CADM2: variants seen among roughly 807,000 people sequenced by gnomAD.
CADM2 encodes the protein immunoglobulin superfamily member 4D.
In CADM2, 12 loss-of-function variants were observed where a neutral mutation model predicts 49.8. The observed-to-expected ratio is 0.24, with a 90% CI of 0.15 to 0.39. The LOEUF is 0.39. CADM2 is among the 10% of genes least tolerant of loss of function. The probability of loss-of-function intolerance (pLI) is 1.00; values close to 1 mark genes in which losing one functional copy is unlikely to be tolerated. For synonymous variants in CADM2, 214 were observed against 175.4 expected (o/e 1.22, Z -1.74); for missense variants, 378 against 492.3 (o/e 0.77, Z 2.20).
intron 8 of CADM2, among the ~76,000 whole-genome samples, chr3:86,007,097 T>A (rs916804409): frequency 6.6e-6 from 1 of 151,108 alleles, no homozygotes; most frequent in African/African-American, 2.4e-5. Flanking sequence ...CTATTGACTT[T>A]TCTCCCACCC....
intron 1 of CADM2, among the ~76,000 whole-genome samples, chr3:85,188,924 G>A (rs1160500539): frequency 6.6e-6 from 1 of 151,834 alleles, no homozygotes; most frequent in African/African-American, 2.4e-5. Flanking sequence ...CCAGCTACTC[G>A]GGAGGCTGAG....
chr3:85,577,586 A>C (rs979560277), intron 1 of CADM2, among the ~76,000 whole-genome samples: 5 of 152,154 alleles, frequency 3.3e-5, no homozygotes, highest in African/African-American at 1.2e-4. Flanking sequence ...AGAACACAAA[A>C]CAGGCCAAGA....
intron 1 of CADM2, among the ~76,000 whole-genome samples, chr3:85,324,752 A>G (rs772579194): frequency 5.3e-5 from 8 of 152,264 alleles, no homozygotes; most frequent in Non-Finnish European, 1.2e-4. Flanking sequence ...TTGCATTCCA[A>G]TTTACACTTG....
intron 1 of CADM2, among the ~76,000 whole-genome samples, chr3:85,536,432 A>C (rs1354285460): frequency 6.6e-6 from 1 of 151,134 alleles, no homozygotes; most frequent in Non-Finnish European, 1.5e-5. Flanking sequence ...TAGCCTTTTT[A>C]AATTTTTGGT....
At chr3:85,188,880 A>T (rs1021698785) in intron 1 of CADM2, among the ~76,000 whole-genome samples, 8 of 151,590 alleles carry the variant, frequency 5.3e-5, no homozygotes, top group African/African-American at 1.9e-4. Context: ...AAATACAAAA[A>T]ATTAGCCAGG....
chr3:85,649,004 C>T (rs146361851), intron 1 of CADM2, among the ~76,000 whole-genome samples: 313 of 152,016 alleles, frequency 2.1e-3, no homozygotes, highest in Admixed American at 3.5e-3. Context: ...TCCTCTTGTG[C>T]TCTATGTAGA....
At chr3:85,781,681 G>A (rs902709682) in intron 2 of CADM2, among the ~76,000 whole-genome samples, 5 of 152,158 alleles carry the variant, frequency 3.3e-5, no homozygotes, top group Non-Finnish European at 5.9e-5. Context: ...ACCAAAGACT[G>A]TTTGCACAGC....
intron 7 of CADM2, among the ~76,000 whole-genome samples, chr3:85,939,322 T>C (rs1437874010): frequency 3.9e-5 from 6 of 152,068 alleles, no homozygotes; most frequent in Admixed American, 3.3e-4. Context: ...TGTCCATTGT[T>C]TTAATTTTAG....
chr3:85,453,394 A>G (rs1392112319), intron 1 of CADM2, among the ~76,000 whole-genome samples: 2 of 152,058 alleles, frequency 1.3e-5, no homozygotes, highest in African/African-American at 4.8e-5. Flanking sequence ...TGAAATTAGC[A>G]TGATTATCAG....
intron 1 of CADM2, among the ~76,000 whole-genome samples, chr3:85,136,985 A>T (rs371948696): frequency 6.6e-5 from 10 of 152,100 alleles, no homozygotes; most frequent in East Asian, 5.8e-4. Context: ...CGAAGTACCA[A>T]GAACAATTAC....
intron 7 of CADM2, among the ~76,000 whole-genome samples, chr3:85,939,563 A>G (rs1321743950): frequency 6.6e-6 from 1 of 151,322 alleles, no homozygotes; most frequent in African/African-American, 2.4e-5. Flanking sequence ...GTTGCCCCCA[A>G]CACGCTGTAA....
At chr3:85,402,034 T>C (rs1353777144) in intron 1 of CADM2, among the ~76,000 whole-genome samples, 2 of 152,206 alleles carry the variant, frequency 1.3e-5, no homozygotes, top group African/African-American at 4.8e-5. Context: ...AATGTAGATT[T>C]ACTATAATTC....
rs5850666 is a variant in CADM2 at position 85,098,256 on chromosome 3, G to GA, written c.61+138603dup. On this transcript the variant is annotated intron_variant, in intron 1 of 9. Coordinates refer to ENST00000383699, the MANE Select transcript of CADM2 (RefSeq NM_001167675.2). Reference sequence around the variant, plus strand: ...CTTACTTATCCTGGACATTATCGTAGAAAAAAAAAAAAAAAGAAGTATTTT... The same window carrying GA: ...CTTACTTATCCTGGACATTATCGTAGAAAAAAAAAAAAAAAAGAAGTATTTT... 7.6e-3 allele frequency among the ~76,000 whole-genome samples: 897 copies of GA among 117,412 alleles called. 5 individuals carry two copies. The highest frequency in any genetic ancestry group is 0.035 in the East Asian group (113 of 3,228). The allele number at this position is 117,412 out of a possible 152,430, so 77.0% of individuals were successfully genotyped here. A position where few individuals can be genotyped will look rare whatever the true frequency, so the allele number is the denominator to read the frequency against.
At chr3:85,349,076 T>C (rs1458221885) in intron 1 of CADM2, among the ~76,000 whole-genome samples, 2 of 152,150 alleles carry the variant, frequency 1.3e-5, no homozygotes, top group Non-Finnish European at 2.9e-5. Context: ...TGGCCCCTGT[T>C]CTGAAAATCT....
chr3:85,103,098 A>T (rs1338624440), intron 1 of CADM2, among the ~76,000 whole-genome samples: 1 of 152,172 alleles, frequency 6.6e-6, no homozygotes, highest in African/African-American at 2.4e-5. Context: ...AAGCAATTAC[A>T]GTGAATAAGC....
intron 1 of CADM2, among the ~76,000 whole-genome samples, chr3:85,672,401 C>T (rs569268692): frequency 6.6e-6 from 1 of 151,984 alleles, no homozygotes; most frequent in Admixed American, 6.6e-5. Context: ...ACCGTGTTAA[C>T]CGGGATGGTC....
chr3:85,168,941 A>G (rs551055339), intron 1 of CADM2, among the ~76,000 whole-genome samples: 1 of 150,358 alleles, frequency 6.7e-6, no homozygotes, highest in Non-Finnish European at 1.5e-5. Flanking sequence ...TATTTAGTAA[A>G]GATTTATTTA....
intron 3 of CADM2, among the ~76,000 whole-genome samples, chr3:85,850,239 A>T (rs1000116516): frequency 6.7e-6 from 1 of 148,340 alleles, no homozygotes; most frequent in Admixed American, 6.7e-5. Flanking sequence ...AAAACAAGTT[A>T]TGGTACATAA....
chr3:86,034,414 G>A (rs573520901), intron 8 of CADM2, among the ~76,000 whole-genome samples: 17 of 152,030 alleles, frequency 1.1e-4, no homozygotes, highest in Middle Eastern at 3.4e-3. Context: ...CACCTTCCAC[G>A]ACATGAGGAT....
Sources: gnomAD v4.1 joint callset for allele counts (sites outside exome capture counted in the v4.1 genomes callset) on GRCh38, gnomAD v4.1.1 for gene constraint, MANE v1.5 for transcripts, NCBI Gene and HGNC (gene_info 2026-07-23, HGNC 2026-07-21) for gene names.